Variants in C15orf40 observed in about 807,000 individuals in gnomAD.
The protein encoded by C15orf40 is UPF0235 protein C15orf40.
In C15orf40, 9 loss-of-function variants were observed where a neutral mutation model predicts 13.9. That is an observed-to-expected ratio of 0.65 (90% CI 0.39 to 1.13). C15orf40 has a LOEUF of 1.13. Ranked by LOEUF, C15orf40 falls within the 50% of genes most tolerant of loss-of-function variation. The probability of loss-of-function intolerance (pLI) is 0.01; values close to 1 mark genes in which losing one functional copy is unlikely to be tolerated. For missense variants in C15orf40, 225 were observed against 188.5 expected, an observed-to-expected ratio of 1.19 and a Z score of -1.13; for synonymous variants, 95 against 69.2, an observed-to-expected ratio of 1.37 and a Z score of -1.85.
rs2031589624 is a variant in C15orf40, at chr15:83,004,858, T to A, written c.*739A>T. ...AATCCCCAGAATTCCAGAACCGTTG[T>A]GGAGATATGATTTTTAATTTACAAT... On this transcript the variant is annotated 3_prime_UTR_variant, in exon 4 of 4. Transcript: ENST00000304177. 4 of 1,302,682 alleles carry A rather than the reference T, an allele frequency of 3.1e-6. No individual in the cohort carries two copies. The highest frequency in any genetic ancestry group is 4.1e-6 in the Non-Finnish European group (4 of 987,448). 80.7% of individuals were successfully genotyped at this position (1,302,682 alleles called of 1,614,324 possible).
chr15:83,011,563 G>T lies in C15orf40; in HGVS notation c.45C>A (p.Pro15=). 1.2e-6 allele frequency: 2 copies of T among 1,605,444 alleles called. No homozygotes were observed. The highest frequency in any genetic ancestry group is 8.5e-7 in the Non-Finnish European group (1 of 1,178,166). The change falls in exon 1 of 4, where the codon CCC becomes CCA. Residue 15 remains proline, a synonymous_variant. Coordinates refer to ENST00000304177, the MANE Select transcript of C15orf40 (RefSeq NM_144597.3). ...GAAGCCGAGCGGAGCCCCGAGTATT[G>T]GGTGTTGCCCGAAGGTGCCTCAGCC... ...RSGLRHLRAT[P]NTRGSARLLC...
downstream of C15orf40, chr15:82,990,870 A>C: frequency 2.1e-6 from 1 of 483,138 alleles, no homozygotes; most frequent in Non-Finnish European, 3.7e-6. Flanking sequence ...TTTGGTATTT[A>C]ATGTGGGCTG....
In C15orf40 at chr15:82,999,374, T is replaced by G. The variant is rs1246630120; in HGVS notation, c.*6223A>C. The G allele has an allele frequency of 6.6e-6, 1 of 151,928 alleles. No homozygotes were observed. The highest frequency in any genetic ancestry group is 1.5e-5 in the Non-Finnish European group (1 of 68,018). The allele number at this position is 151,928 out of a possible 1,614,324, so 9.4% of individuals were successfully genotyped here. A position where few individuals can be genotyped will look rare whatever the true frequency, so the allele number is the denominator to read the frequency against. On this transcript the variant is annotated 3_prime_UTR_variant, in exon 4 of 4. Coordinates refer to ENST00000304177, the MANE Select transcript of C15orf40 (RefSeq NM_144597.3). ...TGCCTAGTTAATTTTTTTAATTTTTTTTGGAGAAATGGGGTCTTACCACGT... is the reference window on the plus strand; with the variant it reads ...TGCCTAGTTAATTTTTTTAATTTTTGTTGGAGAAATGGGGTCTTACCACGT...
chr15:83,004,563 A>T lies in C15orf40; in HGVS notation c.*1034T>A. 3 of 870,398 alleles carry T rather than the reference A, an allele frequency of 3.4e-6. No homozygotes were observed. Among genetic ancestry groups the T allele is most frequent in the Non-Finnish European group, 4.1e-6 (3 of 725,018 alleles). The allele number at this position is 870,398 out of a possible 1,614,324, so 53.9% of individuals were successfully genotyped here. A position where few individuals can be genotyped will look rare whatever the true frequency, so the allele number is the denominator to read the frequency against. The stretch of plus-strand genomic sequence containing the variant: ...CCAAGTCCTCTTTCTTCTTTTAAGG[A>T]TCTTTGGAGATTCATAAAAACTACT... On this transcript the variant is annotated 3_prime_UTR_variant, in exon 4 of 4. Coordinates refer to ENST00000304177, the MANE Select transcript of C15orf40 (RefSeq NM_144597.3).
rs1200861830 is a variant in C15orf40, at chr15:83,004,884, C to A, written c.*713G>T. 2.4e-5 allele frequency: 31 copies of A among 1,304,110 alleles called. No homozygotes were observed. The highest frequency in any genetic ancestry group is 3.1e-5 in the Non-Finnish European group (31 of 988,196). The allele number at this position is 1,304,110 out of a possible 1,614,324, so 80.8% of individuals were successfully genotyped here. A position where few individuals can be genotyped will look rare whatever the true frequency, so the allele number is the denominator to read the frequency against. ...GGAGATATGATTTTTAATTTACAAT[C>A]TAGAAAAACTGCATTCAACAAGTAG... On this transcript the variant is annotated 3_prime_UTR_variant, in exon 4 of 4. Coordinates refer to ENST00000304177, the MANE Select transcript of C15orf40 (RefSeq NM_144597.3).
At position 83,003,577 on chromosome 15, in the gene C15orf40, T is replaced by C. The variant is rs773613032; in HGVS notation, c.*2020A>G. 6.6e-6 allele frequency: 1 copy of C among 152,182 alleles called. No individual in the cohort carries two copies. The allele number at this position is 152,182 out of a possible 1,614,324, so 9.4% of individuals were successfully genotyped here. On this transcript the variant is annotated 3_prime_UTR_variant, in exon 4 of 4. Transcript: ENST00000304177. ...AAGACCATGTAAAACAGAAGCACAT[T>C]TGCAGGCAGTATATGGCACAGTTTA...
Position 83,001,406 on chromosome 15 carries a change from G to T in C15orf40, c.*4191C>A. ...GCGGGTGATAGATGACAGATGCAGT[G>T]CTAGAACATCATATGTCGGCATAGT... On this transcript the variant is annotated 3_prime_UTR_variant, in exon 4 of 4. Coordinates refer to ENST00000304177, the MANE Select transcript of C15orf40 (RefSeq NM_144597.3). 3.6e-6 allele frequency: 2 copies of T among 551,880 alleles called. No homozygotes were observed. The highest frequency in any genetic ancestry group is 2.0e-5 in the African/African-American group (1 of 49,108). The allele number at this position is 551,880 out of a possible 1,614,324, so 34.2% of individuals were successfully genotyped here.
rs1400893217 is a variant in C15orf40 at position 83,004,958 on chromosome 15, T to A, written c.*639A>T. ...CCAGCTTGCATGGTACAATCTTGAG[T>A]AAGTCTCTCAACTTCTGGATATAGG... On this transcript the variant is annotated 3_prime_UTR_variant, in exon 4 of 4. Coordinates refer to ENST00000304177, the MANE Select transcript of C15orf40 (RefSeq NM_144597.3). The A allele has an allele frequency of 7.8e-7, 1 of 1,287,738 alleles. No homozygotes were observed. The highest frequency in any genetic ancestry group is 1.5e-5 in the African/African-American group (1 of 65,458). 79.8% of individuals were successfully genotyped at this position (1,287,738 alleles called of 1,614,324 possible).
chr15:82,996,753 C>A lies in C15orf40; in HGVS notation c.*8844G>T, dbSNP rs1880548376. On this transcript the variant is annotated 3_prime_UTR_variant, in exon 4 of 4. Coordinates refer to ENST00000304177, the MANE Select transcript of C15orf40 (RefSeq NM_144597.3). ...GGATGCAGTGGTTCACGCCTGTAAT[C>A]CCAGTAATTTGGGAGGCCAAGGCGG... The A allele has an allele frequency of 2.0e-5, 3 of 151,650 alleles. No individual in the cohort carries two copies. The highest frequency in any genetic ancestry group is 4.4e-5 in the Non-Finnish European group (3 of 67,920). The allele number at this position is 151,650 out of a possible 1,614,324, so 9.4% of individuals were successfully genotyped here.
rs750121390 is a variant in C15orf40 at position 83,004,859 on chromosome 15, GGA to G, written c.*736_*737del. 2.3e-6 allele frequency: 3 copies of G among 1,302,560 alleles called. No individual in the cohort carries two copies. The highest frequency in any genetic ancestry group is 3.0e-6 in the Non-Finnish European group (3 of 987,458). The allele number at this position is 1,302,560 out of a possible 1,614,324, so 80.7% of individuals were successfully genotyped here. ...ATCCCCAGAATTCCAGAACCGTTGTGGAGATATGATTTTTAATTTACAATCTA... is the reference window on the plus strand; with the variant it reads ...ATCCCCAGAATTCCAGAACCGTTGTGGATATGATTTTTAATTTACAATCTA... On this transcript the variant is annotated 3_prime_UTR_variant, in exon 4 of 4. Transcript: ENST00000304177.
chr15:83,005,779 C>G, intron 3 of C15orf40, 87 bp from the exon 4 acceptor site: 2 of 1,451,862 alleles, frequency 1.4e-6, no homozygotes, highest in South Asian at 2.8e-5. Context: ...ATAATGGGCT[C>G]TCCTGATGGC....
At chr15:83,010,395 A>ACC in intron 1 of C15orf40, 32 bp from the exon 2 acceptor site, 1 of 1,613,030 alleles carries the variant, frequency 6.2e-7, no homozygotes, top group Non-Finnish European at 8.5e-7. Flanking sequence ...TTTACAGGTT[A>ACC]CAAAATATTT....
intron 3 of C15orf40, chr15:83,006,278 A>G: frequency 1.4e-6 from 1 of 691,724 alleles, no homozygotes. Context: ...CAAGCAATTA[A>G]GTTAAAAATG....
chr15:82,989,513 C>T (rs1023100274), downstream of C15orf40, among the ~76,000 whole-genome samples: 19 of 152,090 alleles, frequency 1.2e-4, no homozygotes, highest in Non-Finnish European at 2.5e-4. Context: ...AACATTGTTT[C>T]GATTTTACTT....
chr15:82,993,430 T>C (rs766412632), downstream of C15orf40, among the ~76,000 whole-genome samples: 12 of 152,238 alleles, frequency 7.9e-5, no homozygotes, highest in Admixed American at 2.6e-4. Context: ...TTAATTCATA[T>C]GTGAATTAGC....
Position 83,006,197 on chromosome 15 carries a change from C to T in C15orf40, c.367-505G>A, listed in dbSNP as rs182253196. The T allele has an allele frequency of 8.3e-3, 1,986 of 240,510 alleles. 12 individuals are homozygous for T. Among genetic ancestry groups the T allele is most frequent in the Middle Eastern group, 0.021 (10 of 474 alleles). The allele number at this position is 240,510 out of a possible 1,614,324, so 14.9% of individuals were successfully genotyped here. A position where few individuals can be genotyped will look rare whatever the true frequency, so the allele number is the denominator to read the frequency against. On this transcript the variant is annotated intron_variant, in intron 3 of 3. Transcript: ENST00000304177. ...AGTGAGCTGAGATCGCGCCACTGCACTCCAGCCTGGGCAACAGAGCAAGAC... is the reference window on the plus strand; with the variant it reads ...AGTGAGCTGAGATCGCGCCACTGCATTCCAGCCTGGGCAACAGAGCAAGAC...
At chr15:83,006,931 G>T (rs1368204752) in intron 3 of C15orf40, among the ~76,000 whole-genome samples, 2 of 152,212 alleles carry the variant, frequency 1.3e-5, no homozygotes, top group Non-Finnish European at 2.9e-5. Flanking sequence ...GAAATGACCT[G>T]CCACAGGTGG....
At chr15:82,991,499 C>A (rs925562692), downstream of C15orf40, among the ~76,000 whole-genome samples, 1 of 152,158 alleles carries the variant, frequency 6.6e-6, no homozygotes, top group South Asian at 2.1e-4. Flanking sequence ...GAGCCAAGAT[C>A]GTGCCACTGC....
rs1453879625 is a variant in C15orf40 at position 83,005,553 on chromosome 15, G to C, written c.*44C>G. 1 of 1,539,834 alleles carries C rather than the reference G, an allele frequency of 6.5e-7. No individual in the cohort carries two copies. The highest frequency in any genetic ancestry group is 8.8e-7 in the Non-Finnish European group (1 of 1,138,178). On this transcript the variant is annotated 3_prime_UTR_variant, in exon 4 of 4. Coordinates refer to ENST00000304177, the MANE Select transcript of C15orf40 (RefSeq NM_144597.3). ...CCCACCACGGCCTCCCAAAGTGCTG[G>C]GATTACAGGCATGAGCCACTGCGCC...
Sources: allele counts gnomAD v4.1 joint callset (sites outside exome capture counted in the v4.1 genomes callset), GRCh38; gene constraint gnomAD v4.1.1; transcripts MANE v1.5; gene names NCBI Gene and HGNC (gene_info 2026-07-23, HGNC 2026-07-21).